The following MGST2 variants were observed in gnomAD, a reference collection of about 807,000 sequenced individuals.
The protein encoded by MGST2 is glutathione peroxidase MGST2.
In MGST2, 9 loss-of-function variants were observed where a neutral mutation model predicts 16.6. That is an observed-to-expected ratio of 0.54 (90% CI 0.33 to 0.95). MGST2 has a LOEUF of 0.95. MGST2 is among the 40% of genes least tolerant of loss of function. The pLI is 0.03. For missense variants in MGST2, 159 were observed against 175.1 expected, an observed-to-expected ratio of 0.91 and a Z score of 0.52; for synonymous variants, 79 against 68.0, an observed-to-expected ratio of 1.16 and a Z score of -0.79.
At chr4:139,737,585 A>C (rs1728996804) in intron 5 of MGST2, among the ~76,000 whole-genome samples, 2 of 152,176 alleles carry the variant, frequency 1.3e-5, no homozygotes, top group African/African-American at 4.8e-5. Context: ...TCTGGTACCC[A>C]AAATTGGGAT....
the MGST2 span, among the ~76,000 whole-genome samples, chr4:139,753,341 A>AACCTATCT: frequency 2.7e-5 from 4 of 146,578 alleles, no homozygotes; most frequent in African/African-American, 1.0e-4. Flanking sequence ...TTTTCTTTTT[A>AACCTATCT]ATCTATCTAT....
intron 5 of MGST2, among the ~76,000 whole-genome samples, chr4:139,738,958 A>G (rs1185442267): frequency 6.6e-6 from 1 of 152,230 alleles, no homozygotes; most frequent in Non-Finnish European, 1.5e-5. Flanking sequence ...TAACTTTCCA[A>G]GTGCTTCCAA....
At chr4:139,744,921 T>C (rs1220166308), downstream of MGST2, among the ~76,000 whole-genome samples, 1 of 152,186 alleles carries the variant, frequency 6.6e-6, no homozygotes, top group Non-Finnish European at 1.5e-5. Flanking sequence ...ACAAGGCACA[T>C]GAGTTCTAGG....
intron 1 of MGST2, among the ~76,000 whole-genome samples, chr4:139,675,098 G>A (rs924057432): frequency 2.6e-5 from 4 of 152,160 alleles, no homozygotes; most frequent in South Asian, 2.1e-4. Context: ...ATGTGAAGAC[G>A]TTGTCTTTAG....
chr4:139,704,615 A>G (rs1727445573), downstream of MGST2, among the ~76,000 whole-genome samples: 1 of 152,218 alleles, frequency 6.6e-6, no homozygotes, highest in African/African-American at 2.4e-5. Context: ...ATCAACTGAT[A>G]GCACAAAACA....
chr4:139,698,440 G>T, intron 3 of MGST2: 2 of 1,202,420 alleles, frequency 1.7e-6, no homozygotes, highest in Non-Finnish European at 2.5e-6. Flanking sequence ...TAACGATGAG[G>T]TTTCTTCACC....
At chr4:139,706,817 C>T (rs2110916312), downstream of MGST2, among the ~76,000 whole-genome samples, 1 of 152,234 alleles carries the variant, frequency 6.6e-6, no homozygotes, top group South Asian at 2.1e-4. Context: ...ACCAGGCAAC[C>T]TTTTGATTAT....
intron 5 of MGST2, among the ~76,000 whole-genome samples, chr4:139,712,061 C>T (rs892130607): frequency 3.3e-5 from 5 of 152,168 alleles, no homozygotes; most frequent in African/African-American, 1.2e-4. Context: ...TAAGCTTGTT[C>T]TGTATTCCTA....
intron 2 of MGST2, chr4:139,678,934 C>A (rs893353677): frequency 2.8e-5 from 14 of 491,894 alleles, no homozygotes; most frequent in Middle Eastern, 5.6e-4. Flanking sequence ...GTCAAAGAGG[C>A]CCCCTGGAGC....
rs754700299 is a variant in MGST2, at chr4:139,666,050, G to A, written c.31G>A (p.Val11Ile). Residue 11 changes from valine to isoleucine, a missense_variant, in exon 1 of 5, where the codon GTC (valine) becomes ATC (isoleucine). By Grantham distance (29) the Val-to-Ile change is conservative. Transcript: ENST00000265498. ...CGGGAACTCGATCCTGCTGGCTGCT[G>A]TCTCTATTCTCTCGGCCTGTCAGCA... MAGNSILLAA[V>I]SILSACQQSY... is the part of the protein sequence containing the mutation. 6.8e-6 allele frequency: 11 copies of A among 1,614,104 alleles called. No individual in the cohort carries two copies. Among genetic ancestry groups the A allele is most frequent in the Non-Finnish European group, 9.3e-6 (11 of 1,180,016 alleles).
intron 5 of MGST2, among the ~76,000 whole-genome samples, chr4:139,732,111 A>G (rs1308750462): frequency 6.6e-6 from 1 of 152,266 alleles, no homozygotes; most frequent in African/African-American, 2.4e-5. Flanking sequence ...AATAGCAAGA[A>G]GCAAATGTGA....
At chr4:139,670,645 G>C (rs577087950) in intron 1 of MGST2, among the ~76,000 whole-genome samples, 1 of 152,092 alleles carries the variant, frequency 6.6e-6, no homozygotes, top group Non-Finnish European at 1.5e-5. Context: ...CAGGTGTGGT[G>C]GTTCATGCCT....
In MGST2 at chr4:139,703,668, T is replaced by G. The variant is rs571893887; in HGVS notation, c.311+132T>G. On this transcript the variant is annotated intron_variant, in intron 4 of 4. Coordinates refer to ENST00000265498, the MANE Select transcript of MGST2 (RefSeq NM_002413.5). ...CAAAAGTAATCCATACTGTCTGAGGTCAAGTCTTGCCAGTTCATACACAAT... is the reference window on the plus strand; with the variant it reads ...CAAAAGTAATCCATACTGTCTGAGGGCAAGTCTTGCCAGTTCATACACAAT... 4.8e-4 allele frequency: 416 copies of G among 864,364 alleles called. 7 individuals carry two copies. In the South Asian group the frequency reaches 5.6e-3, roughly 12 times the overall value. 53.5% of individuals were successfully genotyped at this position (864,364 alleles called of 1,614,324 possible). A position where few individuals can be genotyped will look rare whatever the true frequency, so the allele number is the denominator to read the frequency against.
intron 5 of MGST2, among the ~76,000 whole-genome samples, chr4:139,723,227 C>T (rs577971935): frequency 6.6e-6 from 1 of 152,312 alleles, no homozygotes; most frequent in Non-Finnish European, 1.5e-5. Flanking sequence ...TTGTGGGTGT[C>T]TATTTATATA....
intron 5 of MGST2, among the ~76,000 whole-genome samples, chr4:139,714,494 C>T (rs1268877294): frequency 2.6e-5 from 4 of 152,258 alleles, no homozygotes; most frequent in South Asian, 2.1e-4. Flanking sequence ...GGGGCCAAGC[C>T]GCATCATAAA....
intron 5 of MGST2, among the ~76,000 whole-genome samples, chr4:139,721,611 G>T (rs345982): frequency 0.99 from 150,346 of 152,294 alleles, 74,233 homozygotes; most frequent in East Asian, 1. Context: ...TGTCTCCATA[G>T]TTTCTTCCTT....
At chr4:139,736,955 A>G (rs1167310118) in intron 5 of MGST2, among the ~76,000 whole-genome samples, 2 of 152,208 alleles carry the variant, frequency 1.3e-5, no homozygotes, top group African/African-American at 4.8e-5. Context: ...AGGGTTGCTC[A>G]GGCCAGTGAT....
chr4:139,672,759 C>T (rs776785630), intron 1 of MGST2, among the ~76,000 whole-genome samples: 6 of 152,180 alleles, frequency 3.9e-5, no homozygotes, highest in East Asian at 3.9e-4. Context: ...CCATGTTGGC[C>T]GGGCTTGTCT....
At chr4:139,700,094 G>C (rs1001324080) in intron 3 of MGST2, among the ~76,000 whole-genome samples, 8 of 150,032 alleles carry the variant, frequency 5.3e-5, no homozygotes, top group African/African-American at 2.0e-4. Context: ...CTATGTGCCA[G>C]GTACTGTTTT....
Sources: allele counts gnomAD v4.1 joint callset (sites outside exome capture counted in the v4.1 genomes callset), GRCh38; gene constraint gnomAD v4.1.1; transcripts MANE v1.5; gene names NCBI Gene and HGNC (gene_info 2026-07-23, HGNC 2026-07-21).